Variants in SHROOM3 observed in about 807,000 individuals in gnomAD.
SHROOM3 encodes protein Shroom3.
Under a neutral mutation model 138.6 loss-of-function variants are expected in SHROOM3, and 47 were observed. That is an observed-to-expected ratio of 0.34 (90% CI 0.27 to 0.43). SHROOM3 has a LOEUF of 0.43. SHROOM3 is among the 20% of genes least tolerant of loss of function. SHROOM3 has a pLI of 1.00. For missense variants in SHROOM3, 2,491 were observed against 2,596.5 expected, an observed-to-expected ratio of 0.96 and a Z score of 0.88; for synonymous variants, 1,062 against 1,063.3, an observed-to-expected ratio of 1.00 and a Z score of 0.02.
chr4:76,549,781 A>C (rs1236410914), intron 1 of SHROOM3, among the ~76,000 whole-genome samples: 2 of 152,196 alleles, frequency 1.3e-5, no homozygotes, highest in African/African-American at 4.8e-5. Flanking sequence ...GCAGCAACAA[A>C]GAGGGAGGAG....
chr4:76,605,905 G>T (rs993860784), intron 2 of SHROOM3, among the ~76,000 whole-genome samples: 12 of 134,278 alleles, frequency 8.9e-5, no homozygotes, highest in African/African-American at 3.3e-4. Context: ...TGTATTAAAG[G>T]CACAATTTTC....
chr4:76,572,786 A>G (rs1260941227), intron 2 of SHROOM3, among the ~76,000 whole-genome samples: 1 of 152,170 alleles, frequency 6.6e-6, no homozygotes, highest in African/African-American at 2.4e-5. Flanking sequence ...ACTGCTTATG[A>G]AATATGAACA....
chr4:76,557,147 C>CA (rs1733500798), intron 2 of SHROOM3, among the ~76,000 whole-genome samples: 1 of 151,032 alleles, frequency 6.6e-6, no homozygotes, highest in Non-Finnish European at 1.5e-5. Context: ...GTATTTATGC[C>CA]AAAATATGGC....
intron 1 of SHROOM3, among the ~76,000 whole-genome samples, chr4:76,516,677 A>T (rs1205293991): frequency 6.6e-6 from 1 of 152,182 alleles, no homozygotes; most frequent in Non-Finnish European, 1.5e-5. Flanking sequence ...CCTGGTGTAC[A>T]TCACCAGGGC....
rs1283774021 is a variant in SHROOM3, at chr4:76,721,289, T to C, written c.456-9515T>C. On this transcript the variant is annotated intron_variant, in intron 3 of 10. Transcript: ENST00000296043. Reference sequence around the variant, plus strand: ...TCCCGCCACTGCACTCCAGCCTGGGTGACAGAGCGAGACTCCGTCTCAAAA... The same window carrying C: ...TCCCGCCACTGCACTCCAGCCTGGGCGACAGAGCGAGACTCCGTCTCAAAA... Among the ~76,000 whole-genome samples the C allele has an allele frequency of 6.6e-5, 10 of 150,720 alleles. No individual in the cohort carries two copies. In the South Asian group the frequency reaches 8.5e-4, roughly 13 times the overall value.
At chr4:76,743,591 TCTC>T (rs1578011945) in intron 5 of SHROOM3, among the ~76,000 whole-genome samples, 1 of 152,192 alleles carries the variant, frequency 6.6e-6, no homozygotes, top group Non-Finnish European at 1.5e-5. Flanking sequence ...TCTATTTTCT[TCTC>T]CTTTAATTCC....
In SHROOM3 at chr4:76,436,125, T is replaced by G; in HGVS notation, c.73T>G (p.Tyr25Asp). Reference protein sequence around the residue: ...LNSNTATKGRYIYLEAFLEGG... With the variant: ...LNSNTATKGRDIYLEAFLEGG... ...CTCTAACACGGCCACCAAGGGAAGG[T>G]ACATTTATCTGGAGGCATTCCTGGA... Residue 25 changes from tyrosine (Y) to aspartate (D), a missense_variant, in exon 1 of 11, where the codon TAC becomes GAC. Physicochemically the swap from Tyr to Asp is radical, Grantham distance 160 (BLOSUM62 -3). Transcript: ENST00000296043. 6.2e-7 allele frequency: 1 copy of G among 1,614,052 alleles called. No homozygotes were observed. The highest frequency in any genetic ancestry group is 8.5e-7 in the Non-Finnish European group (1 of 1,179,946).
At chr4:76,453,341 T>G (rs1730963713) in intron 1 of SHROOM3, among the ~76,000 whole-genome samples, 1 of 151,928 alleles carries the variant, frequency 6.6e-6, no homozygotes, top group African/African-American at 2.4e-5. Flanking sequence ...TGGTGTCACA[T>G]GACCATGGTT....
intron 3 of SHROOM3, chr4:76,716,018 G>A (rs765924873): frequency 1.5e-4 from 30 of 203,596 alleles, no homozygotes; most frequent in Middle Eastern, 1.8e-3. Context: ...ATCATCAGAT[G>A]ATTTTCCTTG....
chr4:76,770,863 A>G lies in SHROOM3; in HGVS notation c.5587A>G (p.Ser1863Gly). Residue 1863 changes from serine (S) to glycine (G), a missense_variant, in exon 10 of 11, where the codon AGC becomes GGC. By Grantham distance (56) the Ser-to-Gly change is moderately conservative. Coordinates refer to ENST00000296043, the MANE Select transcript of SHROOM3 (RefSeq NM_020859.4). Reference sequence around the variant, plus strand: ...TCTAGCCCGTGTTGAGAATGTCCTTAGCGGCCTTGGTGAAGATGCCAGTAA... The same window carrying G: ...TCTAGCCCGTGTTGAGAATGTCCTTGGCGGCCTTGGTGAAGATGCCAGTAA... ...GRLARVENVL[S>G]GLGEDASNEE... 2 of 1,614,244 alleles carry G rather than the reference A, an allele frequency of 1.2e-6. No homozygotes were observed. Among genetic ancestry groups the G allele is most frequent in the Non-Finnish European group, 1.7e-6 (2 of 1,180,042 alleles).
intron 1 of SHROOM3, among the ~76,000 whole-genome samples, chr4:76,507,537 CT>C (rs772113132): frequency 1.5e-5 from 2 of 133,978 alleles, no homozygotes; most frequent in Non-Finnish European, 3.1e-5. Context: ...ATTTGTATCT[CT>C]CTTTTTTTTT....
chr4:76,755,351 T>G (rs1721771400), intron 7 of SHROOM3, among the ~76,000 whole-genome samples, 159 bp downstream of exon 7: 1 of 152,130 alleles, frequency 6.6e-6, no homozygotes, highest in African/African-American at 2.4e-5. Flanking sequence ...CAGGAGGTAG[T>G]TGGACCAGTG....
At chr4:76,746,201 C>CA (rs1363811596) in intron 5 of SHROOM3, among the ~76,000 whole-genome samples, 1 of 152,140 alleles carries the variant, frequency 6.6e-6, no homozygotes, top group Non-Finnish European at 1.5e-5. Context: ...AATGGGGAAA[C>CA]AGAGGCAAGA....
At chr4:76,747,527 A>G (rs1354427718) in intron 5 of SHROOM3, among the ~76,000 whole-genome samples, 1 of 152,324 alleles carries the variant, frequency 6.6e-6, no homozygotes, top group Non-Finnish European at 1.5e-5. Flanking sequence ...TAGGGGCCAA[A>G]TCATGTGAAT....
rs1001861897 is a variant in SHROOM3 at position 76,738,880 on chromosome 4, A to G, written c.707A>G (p.His236Arg). ...LEPSGAYPPC[H>R]LSPAKSTGSI... ...CCCAGTGGGGCATACCCACCCTGTC[A>G]TCTTTCCCCTGCCAAGTCCACCGGC... Residue 236 changes from histidine (H) to arginine (R), a missense_variant, in exon 5 of 11, where the codon CAT becomes CGT. Physicochemically the swap from His to Arg is conservative, Grantham distance 29 (BLOSUM62 0). Around this residue, in one of 4 missense-constraint regions of SHROOM3, gnomAD observed 284 missense variants for 322.8 expected, o/e 0.88. Transcript: ENST00000296043. The G allele has an allele frequency of 1.2e-6, 2 of 1,614,096 alleles. No individual in the cohort carries two copies. The highest frequency in any genetic ancestry group is 2.7e-5 in the African/African-American group (2 of 74,944).
intron 2 of SHROOM3, among the ~76,000 whole-genome samples, chr4:76,562,577 A>G (rs1050817318): frequency 6.6e-6 from 1 of 152,208 alleles, no homozygotes; most frequent in Non-Finnish European, 1.5e-5. Flanking sequence ...GGTTGTGCAA[A>G]TCAGTGCCTT....
intron 1 of SHROOM3, among the ~76,000 whole-genome samples, chr4:76,528,623 G>A (rs1732757278): frequency 6.8e-6 from 1 of 147,138 alleles, no homozygotes; most frequent in African/African-American, 2.6e-5. Flanking sequence ...CTGGCTCACT[G>A]CAACCTCTAC....
intron 2 of SHROOM3, among the ~76,000 whole-genome samples, chr4:76,634,835 T>C (rs1485136739): frequency 2.0e-5 from 3 of 152,212 alleles, no homozygotes; most frequent in African/African-American, 4.8e-5. Flanking sequence ...AAGAGATGTA[T>C]TGAACTCTGT....
At chr4:76,513,603 C>T (rs1235172162) in intron 1 of SHROOM3, among the ~76,000 whole-genome samples, 2 of 152,194 alleles carry the variant, frequency 1.3e-5, no homozygotes, top group African/African-American at 4.8e-5. Context: ...CATGAGCCAC[C>T]GTGCCTGGCT....
Sources: gnomAD v4.1 joint callset for allele counts (sites outside exome capture counted in the v4.1 genomes callset) on GRCh38, gnomAD v4.1.1 for gene constraint, gnomAD v4.1.1 regional missense constraint, MANE v1.5 for transcripts, NCBI Gene and HGNC (gene_info 2026-07-23, HGNC 2026-07-21) for gene names.